Variants in BCL7A observed in about 807,000 individuals in gnomAD.
BCL7A encodes B-cell CLL/lymphoma 7 protein family member A.
A neutral mutation model predicts 28.4 loss-of-function variants in BCL7A; 11 were observed. The observed-to-expected ratio is 0.39, with a 90% CI of 0.24 to 0.64. The LOEUF (loss-of-function observed/expected upper bound fraction) is 0.64, where lower values mean the gene tolerates loss of function less well. Among genes scored for constraint, BCL7A ranks in the 30% least tolerant of loss-of-function variants. BCL7A has a pLI of 0.50. For synonymous variants in BCL7A, 123 were observed against 103.3 expected, an observed-to-expected ratio of 1.19 and a Z score of -1.15; for missense variants, 222 against 274.8, an observed-to-expected ratio of 0.81 and a Z score of 1.36.
chr12:122,029,923 T>C lies in BCL7A; in HGVS notation c.93-777T>C, dbSNP rs1329364244. 6.6e-6 allele frequency among the ~76,000 whole-genome samples: 1 copy of C among 152,098 alleles called. No individual in the cohort carries two copies. The highest frequency in any genetic ancestry group is 1.5e-5 in the Non-Finnish European group (1 of 68,010). Reference sequence around the variant, plus strand: ...AGAGGGTGGGCATTGTTATCTCGAATGAAAACCAGTCCTGTTTGCTTCTGT... The same window carrying C: ...AGAGGGTGGGCATTGTTATCTCGAACGAAAACCAGTCCTGTTTGCTTCTGT... On this transcript the variant is annotated intron_variant, in intron 1 of 5. Transcript: ENST00000261822. This position sits in a 1 kb window ranked among gnomAD's most constrained non-coding sequence, Gnocchi z 4.3.
chr12:122,057,703 C>T (rs776765249), intron 5 of BCL7A, among the ~76,000 whole-genome samples: 2 of 152,140 alleles, frequency 1.3e-5, no homozygotes, highest in Admixed American at 6.5e-5. Flanking sequence ...GAGTGTTAAA[C>T]CTTTTCTGGT....
intron 5 of BCL7A, among the ~76,000 whole-genome samples, chr12:122,056,560 G>A (rs1266075497): frequency 6.6e-6 from 1 of 152,124 alleles, no homozygotes; most frequent in African/African-American, 2.4e-5. Context: ...CAGCACTTTG[G>A]GAGGCTGAGG....
At chr12:122,022,728 G>C (rs1367701702) in intron 1 of BCL7A, among the ~76,000 whole-genome samples, 1 of 149,716 alleles carries the variant, frequency 6.7e-6, no homozygotes, top group Non-Finnish European at 1.5e-5. Flanking sequence ...CCGCCTCCCG[G>C]GCCCGGCGCC....
chr12:122,036,393 G>A (rs1021340770), intron 3 of BCL7A, among the ~76,000 whole-genome samples: 1 of 152,148 alleles, frequency 6.6e-6, no homozygotes, highest in Non-Finnish European at 1.5e-5. Context: ...GGGCAATACA[G>A]TGAGACCCCA....
intron 4 of BCL7A, among the ~76,000 whole-genome samples, chr12:122,045,063 G>A (rs1208364687): frequency 6.6e-6 from 1 of 152,018 alleles, no homozygotes; most frequent in Non-Finnish European, 1.5e-5. Flanking sequence ...TGTGGGCAGA[G>A]GTAAGAGTGA....
At chr12:122,045,250 A>G (rs572541031) in intron 4 of BCL7A, among the ~76,000 whole-genome samples, 5 of 152,130 alleles carry the variant, frequency 3.3e-5, no homozygotes, top group African/African-American at 4.8e-5. Context: ...GTGTGGTGGC[A>G]TGTGCCTGTA....
chr12:122,023,252 T>A (rs1593019783), intron 1 of BCL7A, among the ~76,000 whole-genome samples: 1 of 152,304 alleles, frequency 6.6e-6, no homozygotes, highest in African/African-American at 2.4e-5. Flanking sequence ...TATTATTTTT[T>A]TCCCACGCCT....
rs761225876 is a variant in BCL7A at position 122,043,919 on chromosome 12, C to T, written c.305C>T (p.Ala102Val). 8.1e-6 allele frequency: 13 copies of T among 1,613,860 alleles called. No homozygotes were observed. In the South Asian group the frequency reaches 1.4e-4, roughly 18 times the overall value. Residue 102 changes from alanine to valine, a missense_variant, in exon 4 of 6, where the codon GCC becomes GTC. Coordinates refer to ENST00000261822, the MANE Select transcript of BCL7A (RefSeq NM_001024808.3). ...DNSNQSSIAD[A>V]SPIKQENSSN... ...AGCAACCAGAGCTCCATCGCAGATG[C>T]CTCCCCCATCAAACAGGAGAACAGC...
chr12:122,052,877 G>T (rs1018249167), intron 4 of BCL7A, among the ~76,000 whole-genome samples: 10 of 135,830 alleles, frequency 7.4e-5, no homozygotes, highest in Non-Finnish European at 1.3e-4. Context: ...TCGGGGGGGG[G>T]GGGGGGTTTG....
At chr12:122,030,623 C>T in intron 1 of BCL7A, 77 bp from the exon 2 acceptor site, 1 of 1,360,292 alleles carries the variant, frequency 7.4e-7, no homozygotes, top group South Asian at 1.2e-5. Context: ...AGCTTGCTCT[C>T]AGCCCCAAGG....
intron 3 of BCL7A, among the ~76,000 whole-genome samples, chr12:122,039,116 G>GA (rs2135848931): frequency 6.6e-6 from 1 of 151,964 alleles, no homozygotes; most frequent in South Asian, 2.1e-4. Flanking sequence ...CTAACACGGT[G>GA]AAACCCCATC....
chr12:122,051,368 G>A (rs1015950760), intron 4 of BCL7A, among the ~76,000 whole-genome samples: 3 of 152,218 alleles, frequency 2.0e-5, no homozygotes, highest in African/African-American at 7.2e-5. Context: ...GGGCAGGTCG[G>A]CCACCAGCTG....
intron 1 of BCL7A, among the ~76,000 whole-genome samples, chr12:122,023,438 T>G (rs1883523640): frequency 2.0e-5 from 3 of 152,246 alleles, no homozygotes; most frequent in African/African-American, 7.2e-5. Flanking sequence ...TAAAAGCCAC[T>G]GGGGGCGAGC....
At chr12:122,046,686 T>C (rs1884083040) in intron 4 of BCL7A, among the ~76,000 whole-genome samples, 1 of 152,192 alleles carries the variant, frequency 6.6e-6, no homozygotes, top group East Asian at 1.9e-4. Flanking sequence ...AATTTAAAAA[T>C]TGAGCTTAAA....
intron 3 of BCL7A, among the ~76,000 whole-genome samples, chr12:122,040,695 G>C (rs1160557304): frequency 6.6e-6 from 1 of 152,022 alleles, no homozygotes; most frequent in African/African-American, 2.4e-5. Flanking sequence ...TCAGACTGCA[G>C]AGTGTGTAAA....
chr12:122,044,972 G>C (rs1370237205), intron 4 of BCL7A, among the ~76,000 whole-genome samples: 1 of 152,180 alleles, frequency 6.6e-6, no homozygotes, highest in African/African-American at 2.4e-5. Flanking sequence ...TTTAAATGGG[G>C]TGGTCGGGGC....
At chr12:122,022,663 C>A (rs1438760795) in intron 1 of BCL7A, among the ~76,000 whole-genome samples, 1 of 146,250 alleles carries the variant, frequency 6.8e-6, no homozygotes. Context: ...CCCCGCGCAC[C>A]CCGGCCCGCG....
At chr12:122,044,563 C>T (rs1174141204) in intron 4 of BCL7A, among the ~76,000 whole-genome samples, 1 of 151,930 alleles carries the variant, frequency 6.6e-6, no homozygotes, top group Admixed American at 6.6e-5. Flanking sequence ...TGGCTCACAC[C>T]TATAATCCTA....
At chr12:122,033,343 C>A (rs944001096) in intron 2 of BCL7A, among the ~76,000 whole-genome samples, 1 of 152,004 alleles carries the variant, frequency 6.6e-6, no homozygotes, top group Non-Finnish European at 1.5e-5. Flanking sequence ...GAGACAGAGT[C>A]TCACTCTGTT....
Sources: allele counts gnomAD v4.1 joint callset (sites outside exome capture counted in the v4.1 genomes callset), GRCh38; gene constraint gnomAD v4.1.1; non-coding constraint Gnocchi (gnomAD v3.1); transcripts MANE v1.5; gene names NCBI Gene and HGNC (gene_info 2026-07-23, HGNC 2026-07-21).